Variants in GALNT9 observed in about 807,000 individuals in gnomAD.
The protein encoded by GALNT9 is polypeptide N-acetylgalactosaminyltransferase 9.
In GALNT9, 47 loss-of-function variants were observed where a neutral mutation model predicts 63.1. The observed-to-expected ratio is 0.75, with a 90% CI of 0.59 to 0.95. GALNT9 has a LOEUF of 0.95. Among genes scored for constraint, GALNT9 ranks in the 40% least tolerant of loss-of-function variants. The probability of loss-of-function intolerance (pLI) is 0.00; values close to 1 mark genes in which losing one functional copy is unlikely to be tolerated. For synonymous variants in GALNT9, 396 were observed against 365.7 expected (o/e 1.08, Z -0.94); for missense variants, 829 against 874.8 (o/e 0.95, Z 0.66).
rs1304256355 is a variant in GALNT9 at position 132,197,827 on chromosome 12, C to T, written c.1630G>A (p.Ala544Thr). The change falls in exon 10 of 11, where the codon GCG (alanine) becomes ACG (threonine). Residue 544 changes from alanine (A) to threonine (T), a missense_variant. Transcript: ENST00000328957. Reference sequence around the variant, plus strand: ...TCCCACAGCCGCTGTGTTGGCCGCGCCACATCCTCACACTTCTTCAGGGTG... The same window carrying T: ...TCCCACAGCCGCTGTGTTGGCCGCGTCACATCCTCACACTTCTTCAGGGTG... The part of the protein sequence containing the change: ...MPTLKKCEDV[A>T]RPTQRLWDFT... 26 of 1,601,652 alleles carry T rather than the reference C, an allele frequency of 1.6e-5. No individual in the cohort carries two copies. The highest frequency in any genetic ancestry group is 2.0e-5 in the Non-Finnish European group (24 of 1,175,408).
rs781995519 is a variant in GALNT9, at chr12:132,319,666, C to T, written c.238+9300G>A. ...GAGTTTGCTTTTCAACAGGCCTTTC[C>T]GTCTGGGGCAGGTCAACACCCCACT... is the stretch of plus-strand genomic sequence containing the variant. On this transcript the variant is annotated intron_variant, in intron 1 of 10. Transcript: ENST00000328957. This position sits in a 1 kb window ranked among gnomAD's most constrained non-coding sequence, Gnocchi z 5.2. Among the ~76,000 whole-genome samples the T allele has an allele frequency of 9.9e-5, 15 of 152,278 alleles. No individual in the cohort carries two copies. Among genetic ancestry groups the T allele is most frequent in the East Asian group, 5.8e-4 (3 of 5,168 alleles).
intron 8 of GALNT9, among the ~76,000 whole-genome samples, chr12:132,199,723 C>T (rs112138498): frequency 0.01 from 1,532 of 152,300 alleles, 27 homozygotes; most frequent in African/African-American, 0.034. Flanking sequence ...AGAACAAGCC[C>T]GGGCCAGACT....
At chr12:132,218,958 C>T (rs754806916) in intron 6 of GALNT9, among the ~76,000 whole-genome samples, 10 of 152,152 alleles carry the variant, frequency 6.6e-5, no homozygotes, top group Non-Finnish European at 1.2e-4. Flanking sequence ...CCCCAAGAAC[C>T]GCAAATTCCC....
intron 2 of GALNT9, among the ~76,000 whole-genome samples, chr12:132,270,952 G>A (rs191392392): frequency 1.3e-5 from 2 of 152,116 alleles, no homozygotes; most frequent in Non-Finnish European, 2.9e-5. Context: ...GAGACAGCGA[G>A]GGGGAGAAAG....
intron 6 of GALNT9, among the ~76,000 whole-genome samples, chr12:132,239,279 C>CAGAGAA (rs1341267203): frequency 6.7e-6 from 1 of 148,900 alleles, no homozygotes; most frequent in Non-Finnish European, 1.5e-5. Context: ...GACACAGAGA[C>CAGAGAA]AGAGACACAG....
At chr12:132,204,725 G>GTCCCA (rs1876527632) in intron 6 of GALNT9, among the ~76,000 whole-genome samples, 1 of 151,964 alleles carries the variant, frequency 6.6e-6, no homozygotes, top group Non-Finnish European at 1.5e-5. Context: ...AGCCAGCCCC[G>GTCCCA]TCCCATCCTA....
intron 1 of GALNT9, among the ~76,000 whole-genome samples, chr12:132,321,972 G>A (rs1312991423): frequency 5.0e-4 from 4 of 8,040 alleles, no homozygotes; most frequent in Admixed American, 1.6e-3. Context: ...CCCAGCCCCC[G>A]CCTCGGCCCC....
chr12:132,306,011 G>A (rs533671979), intron 1 of GALNT9, among the ~76,000 whole-genome samples: 260 of 152,236 alleles, frequency 1.7e-3, no homozygotes, highest in African/African-American at 5.8e-3. Flanking sequence ...CAGGACAGGG[G>A]GGCTCATGGC....
intron 1 of GALNT9, among the ~76,000 whole-genome samples, chr12:132,307,203 G>A (rs145234373): frequency 1.3e-3 from 195 of 152,284 alleles, no homozygotes; most frequent in African/African-American, 4.2e-3. Context: ...CCAGGGACTC[G>A]GGTCCAGAGA....
intron 1 of GALNT9, among the ~76,000 whole-genome samples, chr12:132,294,274 C>T (rs1400604947): frequency 2.6e-5 from 4 of 152,322 alleles, no homozygotes; most frequent in Non-Finnish European, 5.9e-5. Flanking sequence ...AGATGGGAGT[C>T]GCCTCCCCCA....
intron 1 of GALNT9, among the ~76,000 whole-genome samples, chr12:132,291,714 ATCCACAGCACCCACG>A (rs1208493518): frequency 6.9e-6 from 1 of 145,346 alleles, no homozygotes; most frequent in East Asian, 2.0e-4. Context: ...TGGCGCACAC[ATCCACAGCACCCACG>A]TCCACACCTG....
intron 2 of GALNT9, chr12:132,278,499 G>A (rs1880199741): frequency 6.6e-6 from 1 of 152,154 alleles, no homozygotes; most frequent in Non-Finnish European, 1.5e-5. Flanking sequence ...TTCCAGACCC[G>A]GACCCCACTG....
chr12:132,225,881 A>C, intron 6 of GALNT9, among the ~76,000 whole-genome samples: 1 of 116,312 alleles, frequency 8.6e-6, no homozygotes, highest in Non-Finnish European at 1.8e-5. Context: ...CCCCCCATAC[A>C]CACCACACAC....
chr12:132,320,504 G>A (rs1305946695), intron 1 of GALNT9, among the ~76,000 whole-genome samples: 2 of 152,262 alleles, frequency 1.3e-5, no homozygotes, highest in Non-Finnish European at 2.9e-5. Context: ...TCTTAAATAA[G>A]TGATGGATTG....
At chr12:132,301,481 G>A (rs954262814) in intron 1 of GALNT9, among the ~76,000 whole-genome samples, 4 of 152,366 alleles carry the variant, frequency 2.6e-5, no homozygotes, top group Non-Finnish European at 2.9e-5. Context: ...CTTCCCCTCC[G>A]GGGCACATAA....
At chr12:132,290,614 C>CGT in intron 1 of GALNT9, among the ~76,000 whole-genome samples, 1 of 143,108 alleles carries the variant, frequency 7.0e-6, no homozygotes, top group East Asian at 2.1e-4. Context: ...AACCACAGCA[C>CGT]CCACAACCAC....
At chr12:132,328,917 A>T in intron 1 of GALNT9, 49 bp downstream of exon 1, 1 of 1,446,480 alleles carries the variant, frequency 6.9e-7, no homozygotes, top group African/African-American at 1.5e-5. Context: ...CGGGGTGGCC[A>T]CTGTCCCGGG....
intron 10 of GALNT9, 73 bp downstream of exon 10, chr12:132,197,719 G>T: frequency 8.5e-7 from 1 of 1,176,644 alleles, no homozygotes; most frequent in Non-Finnish European, 1.2e-6. Flanking sequence ...TGGCTCTAGT[G>T]GCAGAGGCAC....
intron 9 of GALNT9, among the ~76,000 whole-genome samples, chr12:132,198,168 C>T (rs1875679459): frequency 6.6e-6 from 1 of 152,242 alleles, no homozygotes; most frequent in African/African-American, 2.4e-5. Flanking sequence ...CCCAAATGCT[C>T]CGCAGGGCCA....
Sources: allele counts gnomAD v4.1 joint callset (sites outside exome capture counted in the v4.1 genomes callset), GRCh38; gene constraint gnomAD v4.1.1; non-coding constraint Gnocchi (gnomAD v3.1); transcripts MANE v1.5; gene names NCBI Gene and HGNC (gene_info 2026-07-23, HGNC 2026-07-21).